ZNF85: variants seen among roughly 807,000 people sequenced by gnomAD.
The protein encoded by ZNF85 is zinc finger protein 85 (HPF4, HTF1).
Under a neutral mutation model 53.9 loss-of-function variants are expected in ZNF85, and 50 were observed. That is an observed-to-expected ratio of 0.93 (90% confidence interval 0.74 to 1.17). The LOEUF (loss-of-function observed/expected upper bound fraction) is 1.17, where lower values mean the gene tolerates loss of function less well. ZNF85 is among the 50% of genes most tolerant of loss of function. The pLI is 0.00. For synonymous variants in ZNF85, 225 were observed against 226.1 expected (o/e 1.00, Z 0.04); for missense variants, 747 against 688.5 (o/e 1.08, Z -0.95).
chr19:20,930,921 C>T (rs753512222), intron 1 of ZNF85, among the ~76,000 whole-genome samples: 2 of 152,164 alleles, frequency 1.3e-5, no homozygotes, highest in African/African-American at 2.4e-5. Context: ...TACAGACATG[C>T]ACCACCACAC....
Position 20,950,500 on chromosome 19 carries a change from T to TTA in ZNF85, c.*198_*199insTA, listed in dbSNP as rs1973558519. On this transcript the variant is annotated 3_prime_UTR_variant, in exon 4 of 4. Coordinates refer to ENST00000328178, the MANE Select transcript of ZNF85 (RefSeq NM_003429.5). ...CTTTAAATGGTTGTCACACTTTAGG[T>TTA]AAGATAATTCATATTGGAACAAACT... is the stretch of plus-strand genomic sequence containing the variant. 1 of 454,198 alleles carries TTA rather than the reference T, an allele frequency of 2.2e-6. No homozygotes were observed. Among genetic ancestry groups the TTA allele is most frequent in the African/African-American group, 2.0e-5 (1 of 49,490 alleles). The allele number at this position is 454,198 out of a possible 1,614,324, so 28.1% of individuals were successfully genotyped here. A position where few individuals can be genotyped will look rare whatever the true frequency, so the allele number is the denominator to read the frequency against.
intron 3 of ZNF85, among the ~76,000 whole-genome samples, chr19:20,947,022 C>T (rs1442257486): frequency 6.7e-6 from 1 of 148,720 alleles, no homozygotes; most frequent in African/African-American, 2.5e-5. Context: ...TTTTCTCTCT[C>T]TCTTTCTTTG....
At chr19:20,932,685 T>TAA in intron 1 of ZNF85, among the ~76,000 whole-genome samples, 1 of 149,782 alleles carries the variant, frequency 6.7e-6, no homozygotes, top group African/African-American at 2.4e-5. Context: ...CAGAAAGTTC[T>TAA]AAAAAAAAAA....
intron 3 of ZNF85, chr19:20,937,263 C>T (rs1973181494): frequency 2.2e-6 from 1 of 450,648 alleles, no homozygotes. Flanking sequence ...AACTCCTGAC[C>T]TCGTGATCCA....
At chr19:20,947,182 GT>G (rs1487023455) in intron 3 of ZNF85, among the ~76,000 whole-genome samples, 1 of 151,692 alleles carries the variant, frequency 6.6e-6, no homozygotes, top group Non-Finnish European at 1.5e-5. Context: ...ATGAACTTTA[GT>G]TGTATACAAA....
chr19:20,937,354 T>G (rs1973184041), intron 3 of ZNF85: 1 of 456,256 alleles, frequency 2.2e-6, no homozygotes, highest in Admixed American at 2.4e-5. Flanking sequence ...ATAAACCAGT[T>G]TCAGAAGGTA....
At chr19:20,932,437 T>C (rs11085406) in intron 1 of ZNF85, among the ~76,000 whole-genome samples, 18,949 of 152,164 alleles carry the variant, frequency 0.12, 1,193 homozygotes, top group South Asian at 0.15. Flanking sequence ...ATTGTGGCTT[T>C]TTATATGCCA....
At chr19:20,934,885 C>T in intron 2 of ZNF85, 64 bp from the exon 3 acceptor site, 1 of 1,013,560 alleles carries the variant, frequency 9.9e-7, no homozygotes. Flanking sequence ...TAGCTAAGCA[C>T]ATTACTAGAT....
At chr19:20,943,068 AC>A in intron 3 of ZNF85, 1 of 421,748 alleles carries the variant, frequency 2.4e-6, no homozygotes, top group African/African-American at 2.0e-5. Flanking sequence ...GAGCCTGTTC[AC>A]CCAGCCAGTA....
rs1333855887 is a variant in ZNF85, at chr19:20,950,504, A to G, written c.*202A>G. 2.3e-6 allele frequency: 1 copy of G among 437,780 alleles called. No homozygotes were observed. The highest frequency in any genetic ancestry group is 4.0e-6 in the Non-Finnish European group (1 of 252,248). The allele number at this position is 437,780 out of a possible 1,614,324, so 27.1% of individuals were successfully genotyped here. A position where few individuals can be genotyped will look rare whatever the true frequency, so the allele number is the denominator to read the frequency against. On this transcript the variant is annotated 3_prime_UTR_variant, in exon 4 of 4. Coordinates refer to ENST00000328178, the MANE Select transcript of ZNF85 (RefSeq NM_003429.5). ...AAATGGTTGTCACACTTTAGGTAAG[A>G]TAATTCATATTGGAACAAACTACAA...
intron 3 of ZNF85, among the ~76,000 whole-genome samples, chr19:20,946,040 AAAC>A (rs1262025559): frequency 2.7e-4 from 10 of 36,610 alleles, no homozygotes; most frequent in African/African-American, 8.6e-4. Context: ...GTAATGCCTC[AAAC>A]GTTTTTTTTT....
At chr19:20,928,729 A>C (rs908393921) in intron 1 of ZNF85, 1 of 152,138 alleles carries the variant, frequency 6.6e-6, no homozygotes, top group Non-Finnish European at 1.5e-5. Flanking sequence ...TTCTCCACCA[A>C]CCTAGGGTTC....
chr19:20,925,961 A>G (rs1451304574), intron 1 of ZNF85, among the ~76,000 whole-genome samples: 3 of 152,240 alleles, frequency 2.0e-5, no homozygotes, highest in African/African-American at 7.2e-5. Context: ...AAATCTAATC[A>G]TATATTCCAT....
chr19:20,932,317 T>TA (rs1973041695), intron 1 of ZNF85, among the ~76,000 whole-genome samples: 1 of 152,214 alleles, frequency 6.6e-6, no homozygotes, highest in African/African-American at 2.4e-5. Context: ...TTCTCTATTG[T>TA]ATTACCCCTC....
chr19:20,937,435 G>C (rs1973186560), intron 3 of ZNF85: 5 of 445,354 alleles, frequency 1.1e-5, no homozygotes, highest in South Asian at 8.0e-5. Context: ...ATTGTAGCTT[G>C]ATCAGAAGGC....
intron 1 of ZNF85, among the ~76,000 whole-genome samples, chr19:20,930,120 CAAAAAAAA>C (rs57832039): frequency 2.1e-4 from 17 of 79,272 alleles, no homozygotes; most frequent in Admixed American, 1.9e-3. Context: ...GACTCCGTCC[CAAAAAAAA>C]AAAAAAAAAA....
In ZNF85 at chr19:20,950,298, T is replaced by A. The variant is rs771923911; in HGVS notation, c.1784T>A (p.Ile595Lys). ...ATTCATACCGGAGAAAAATTACAAA[T>A]ATGAAAATTATGGCAAAGCTTTAAT... ...KIIHTGEKLQ[I>K] Residue 595 changes from isoleucine to lysine, a missense_variant, in exon 4 of 4, where the codon ATA (isoleucine) becomes AAA (lysine). By Grantham distance (102) the Ile-to-Lys change is moderately radical. Transcript: ENST00000328178. 6.6e-7 allele frequency: 1 copy of A among 1,515,314 alleles called. No homozygotes were observed. The highest frequency in any genetic ancestry group is 1.4e-5 in the African/African-American group (1 of 71,688). 93.9% of individuals were successfully genotyped at this position (1,515,314 alleles called of 1,614,324 possible). A position where few individuals can be genotyped will look rare whatever the true frequency, so the allele number is the denominator to read the frequency against.
chr19:20,940,417 G>T (rs1401870767), intron 3 of ZNF85, among the ~76,000 whole-genome samples: 1 of 152,050 alleles, frequency 6.6e-6, no homozygotes, highest in Non-Finnish European at 1.5e-5. Flanking sequence ...TGCACTTGTG[G>T]TCCAAGATCT....
chr19:20,933,003 G>A (rs969494052), intron 1 of ZNF85, among the ~76,000 whole-genome samples: 4 of 150,654 alleles, frequency 2.7e-5, no homozygotes, highest in African/African-American at 9.8e-5. Context: ...CCTGGGAATG[G>A]TGAAACCCCG....
Sources: gnomAD v4.1 joint callset for allele counts (sites outside exome capture counted in the v4.1 genomes callset) on GRCh38, gnomAD v4.1.1 for gene constraint, MANE v1.5 for transcripts, NCBI Gene and HGNC (gene_info 2026-07-23, HGNC 2026-07-21) for gene names.